ADRA1D: variants seen among roughly 807,000 people sequenced by gnomAD.
ADRA1D encodes alpha-1D adrenergic receptor.
A neutral mutation model predicts 18.6 loss-of-function variants in ADRA1D; 22 were observed. That is an observed-to-expected ratio of 1.19 (90% CI 0.85 to 1.69). The LOEUF (loss-of-function observed/expected upper bound fraction) is 1.69, where lower values mean the gene tolerates loss of function less well. Among genes scored for constraint, ADRA1D ranks in the 40% most tolerant of loss-of-function variants. The probability of loss-of-function intolerance (pLI) is 0.00; values close to 1 mark genes in which losing one functional copy is unlikely to be tolerated. For synonymous variants in ADRA1D, 376 were observed against 388.2 expected (o/e 0.97, Z 0.37); for missense variants, 840 against 840.7 (o/e 1.00, Z 0.01).
intron 1 of ADRA1D, among the ~76,000 whole-genome samples, chr20:4,235,128 G>T (rs1600849311): frequency 6.6e-6 from 1 of 152,330 alleles, no homozygotes; most frequent in East Asian, 1.9e-4. Context: ...GTGGTGAGAG[G>T]TAACTGACAG....
intron 1 of ADRA1D, among the ~76,000 whole-genome samples, chr20:4,234,283 G>A (rs970788814): frequency 6.6e-6 from 1 of 152,206 alleles, no homozygotes; most frequent in Admixed American, 6.5e-5. Flanking sequence ...GCCTTGCTGA[G>A]GACAGACGGC....
chr20:4,228,760 G>A (rs369031966), intron 1 of ADRA1D, among the ~76,000 whole-genome samples: 2 of 152,290 alleles, frequency 1.3e-5, no homozygotes, highest in South Asian at 2.1e-4. Context: ...GGAAGGGATC[G>A]CTCCTCCTAC....
Position 4,248,178 on chromosome 20 carries a change from C to A in ADRA1D, c.780G>T (p.Val260=), listed in dbSNP as rs1209805830. ...EEAGYAVFSS[V]CSFYLPMAVI... Reference sequence around the variant, plus strand: ...CCGCCATGGGCAGGTAGAAGGAGCACACGGAGGAGAAGACAGCGTAGCCCG... The same window carrying A: ...CCGCCATGGGCAGGTAGAAGGAGCAAACGGAGGAGAAGACAGCGTAGCCCG... Residue 260 remains valine (V), a synonymous_variant, in exon 1 of 2, where the codon GTG becomes GTT. Transcript: ENST00000379453. The A allele has an allele frequency of 1.3e-6, 2 of 1,586,186 alleles. No individual in the cohort carries two copies. Among genetic ancestry groups the A allele is most frequent in the Non-Finnish European group, 1.7e-6 (2 of 1,166,240 alleles).
chr20:4,235,342 G>A (rs935363997), intron 1 of ADRA1D, among the ~76,000 whole-genome samples: 4 of 152,140 alleles, frequency 2.6e-5, no homozygotes, highest in Non-Finnish European at 4.4e-5. Context: ...GGCCTGTCCC[G>A]CATCCTCTTG....
At chr20:4,237,152 G>A (rs899412615) in intron 1 of ADRA1D, among the ~76,000 whole-genome samples, 8 of 152,096 alleles carry the variant, frequency 5.3e-5, no homozygotes, top group Non-Finnish European at 1.0e-4. Flanking sequence ...AGCAGCCAGA[G>A]GACCAGGAGG....
chr20:4,248,791 A>ACGCCGC lies in ADRA1D; in HGVS notation c.161_166dup (p.Gly54_Gly55dup), dbSNP rs888161510. ...GTCCTCGCCGCTGCCTGCGCCCACC[A>ACGCCGC]CGCCGCCGCCGCCGCCCGCGCCCCC... On this transcript the variant is annotated inframe_insertion, in exon 1 of 2. Coordinates refer to ENST00000379453, the MANE Select transcript of ADRA1D (RefSeq NM_000678.4). 7.6e-6 allele frequency: 9 copies of ACGCCGC among 1,188,066 alleles called. No homozygotes were observed. Among genetic ancestry groups the ACGCCGC allele is most frequent in the African/African-American group, 1.6e-5 (1 of 60,704 alleles). The allele number at this position is 1,188,066 out of a possible 1,614,324, so 73.6% of individuals were successfully genotyped here.
At position 4,247,895 on chromosome 20, in the gene ADRA1D, C is replaced by A; in HGVS notation, c.1063G>T (p.Gly355Cys). ...KAAKTLAIVV[G>C]VFVLCWFPFF... The stretch of plus-strand genomic sequence containing the variant: ...GGGAACCAGCAGAGCACGAAGACAC[C>A]CACGACGATGGCCAGAGTCTTGGCC... The change falls in exon 1 of 2, where the codon GGT becomes TGT. Residue 355 changes from glycine (G) to cysteine (C), a missense_variant. Coordinates refer to ENST00000379453, the MANE Select transcript of ADRA1D (RefSeq NM_000678.4). 1 of 1,592,992 alleles carries A rather than the reference C, an allele frequency of 6.3e-7. No individual in the cohort carries two copies. Among genetic ancestry groups the A allele is most frequent in the Non-Finnish European group, 8.5e-7 (1 of 1,172,264 alleles).
chr20:4,221,866 C>G lies in ADRA1D; in HGVS notation c.1376G>C (p.Gly459Ala). ...CAPSSGDAPP[G>A]APLALTALPD... ...GAGCGCGGTGAGGGCCAGCGGCGCTCCGGGGGGCGCGTCGCCCGAACTCGG... is the reference window on the plus strand; with the variant it reads ...GAGCGCGGTGAGGGCCAGCGGCGCTGCGGGGGGCGCGTCGCCCGAACTCGG... The change falls in exon 2 of 2, where the codon GGA (glycine) becomes GCA (alanine). Residue 459 changes from glycine (G) to alanine (A), a missense_variant. Physicochemically the swap from Gly to Ala is moderately conservative, Grantham distance 60. Transcript: ENST00000379453. 6.8e-7 allele frequency: 1 copy of G among 1,463,924 alleles called. No homozygotes were observed. The highest frequency in any genetic ancestry group is 9.0e-7 in the Non-Finnish European group (1 of 1,116,904). 90.7% of individuals were successfully genotyped at this position (1,463,924 alleles called of 1,614,324 possible).
At chr20:4,242,713 G>A (rs1450336479) in intron 1 of ADRA1D, among the ~76,000 whole-genome samples, 1 of 152,132 alleles carries the variant, frequency 6.6e-6, no homozygotes. Context: ...GGGGGCCCTG[G>A]GCTCTGAGTC....
chr20:4,243,758 C>T (rs1981272555), intron 1 of ADRA1D, among the ~76,000 whole-genome samples: 1 of 152,166 alleles, frequency 6.6e-6, no homozygotes, highest in Non-Finnish European at 1.5e-5. Flanking sequence ...CCCAGAGGAG[C>T]TGGTGCTGCC....
At position 4,231,036 on chromosome 20, in the gene ADRA1D, CTT is replaced by C. The variant is rs377679177; in HGVS notation, c.1112-8908_1112-8907del. ...CTTTCTTTTCTCTTTCTCTTTCTTTCTTTTTCTTTCTTTCTTTCTTTCTTTCT... is the reference window on the plus strand; with the variant it reads ...CTTTCTTTTCTCTTTCTCTTTCTTTCTTTCTTTCTTTCTTTCTTTCTTTCT... On this transcript the variant is annotated intron_variant, in intron 1 of 1. Coordinates refer to ENST00000379453, the MANE Select transcript of ADRA1D (RefSeq NM_000678.4). Among the ~76,000 whole-genome samples the C allele has an allele frequency of 4.1e-3, 432 of 105,610 alleles. 1 individual carries two copies. Among genetic ancestry groups the C allele is most frequent in the African/African-American group, 0.012 (319 of 26,912 alleles). The allele number at this position is 105,610 out of a possible 152,430, so 69.3% of individuals were successfully genotyped here.
At chr20:4,234,274 C>A (rs1015519802) in intron 1 of ADRA1D, among the ~76,000 whole-genome samples, 10 of 152,186 alleles carry the variant, frequency 6.6e-5, no homozygotes, top group African/African-American at 2.4e-4. Flanking sequence ...ACTGGCCAAG[C>A]CTTGCTGAGG....
At position 4,247,836 on chromosome 20, in the gene ADRA1D, G is replaced by A; in HGVS notation, c.1111+11C>T. ...AGAACAGGAGGGGCCGGTGGGAGAG[G>A]GGTCACTCACCGAGCGGCAGGACAA... On this transcript the variant is annotated intron_variant, in intron 1 of 1. Transcript: ENST00000379453. The A allele has an allele frequency of 1.3e-6, 2 of 1,519,778 alleles. No homozygotes were observed. Among genetic ancestry groups the A allele is most frequent in the South Asian group, 2.7e-5 (2 of 75,388 alleles). 94.1% of individuals were successfully genotyped at this position (1,519,778 alleles called of 1,614,324 possible). A position where few individuals can be genotyped will look rare whatever the true frequency, so the allele number is the denominator to read the frequency against.
rs555638937 is a variant in ADRA1D at position 4,238,582 on chromosome 20, A to G, written c.1111+9265T>C. ...AGCTTACAGAGGATCTGCAGGACTTATGGGGAGACCCTGAGGGCTGCCTCG... is the reference window on the plus strand; with the variant it reads ...AGCTTACAGAGGATCTGCAGGACTTGTGGGGAGACCCTGAGGGCTGCCTCG... On this transcript the variant is annotated intron_variant, in intron 1 of 1. Coordinates refer to ENST00000379453, the MANE Select transcript of ADRA1D (RefSeq NM_000678.4). 2.3e-3 allele frequency among the ~76,000 whole-genome samples: 353 copies of G among 152,336 alleles called. 1 individual carries two copies. Among genetic ancestry groups the G allele is most frequent in the Middle Eastern group, 6.8e-3 (2 of 294 alleles).
At chr20:4,241,607 A>T (rs1035455098) in intron 1 of ADRA1D, among the ~76,000 whole-genome samples, 1 of 152,118 alleles carries the variant, frequency 6.6e-6, no homozygotes, top group African/African-American at 2.4e-5. Context: ...CAGGTAGGAG[A>T]TGTAATGCCA....
chr20:4,231,611 T>C (rs925783215), intron 1 of ADRA1D, among the ~76,000 whole-genome samples: 1 of 152,156 alleles, frequency 6.6e-6, no homozygotes, highest in East Asian at 1.9e-4. Context: ...TTTCCGAGTG[T>C]TCAGTACCTT....
intron 1 of ADRA1D, among the ~76,000 whole-genome samples, chr20:4,223,269 C>A (rs149720724): frequency 6.6e-6 from 1 of 152,204 alleles, no homozygotes; most frequent in Non-Finnish European, 1.5e-5. Context: ...TAGCAAGTCA[C>A]GCATTTCCTG....
intron 1 of ADRA1D, among the ~76,000 whole-genome samples, chr20:4,231,067 T>TTC (rs1980951723): frequency 1.2e-5 from 1 of 80,458 alleles, no homozygotes; most frequent in African/African-American, 5.3e-5. Flanking sequence ...TCTTTCTTTC[T>TTC]CTCTCTCTCT....
intron 1 of ADRA1D, among the ~76,000 whole-genome samples, chr20:4,242,726 C>T (rs61759838): frequency 0.055 from 8,380 of 152,086 alleles, 489 homozygotes; most frequent in African/African-American, 0.14. Context: ...TCTGAGTCTC[C>T]GGGCTGCTTT....
Sources: gnomAD v4.1 joint callset for allele counts (sites outside exome capture counted in the v4.1 genomes callset) on GRCh38, gnomAD v4.1.1 for gene constraint, MANE v1.5 for transcripts, NCBI Gene and HGNC (gene_info 2026-07-23, HGNC 2026-07-21) for gene names.